Variants in MTUS2 observed in about 807,000 individuals in gnomAD.
The protein encoded by MTUS2 is microtubule-associated tumor suppressor candidate 2.
Under a neutral mutation model 114.1 loss-of-function variants are expected in MTUS2, and 40 were observed. The observed-to-expected ratio is 0.35, with a 90% CI of 0.27 to 0.46. The LOEUF (loss-of-function observed/expected upper bound fraction) is 0.46. Ranked by LOEUF, MTUS2 falls within the 20% of genes least tolerant of loss-of-function variation. MTUS2 has a pLI of 1.00. For synonymous variants in MTUS2, 688 were observed against 672.0 expected, an observed-to-expected ratio of 1.02 and a Z score of -0.37; for missense variants, 1,679 against 1,705.4, an observed-to-expected ratio of 0.98 and a Z score of 0.27.
intron 8 of MTUS2, among the ~76,000 whole-genome samples, chr13:29,394,310 A>T (rs1037868254): frequency 6.6e-6 from 1 of 152,172 alleles, no homozygotes; most frequent in Non-Finnish European, 1.5e-5. Context: ...TGTAAGGTGT[A>T]CAGGTAATCA....
rs1441783329 is a variant in MTUS2 at position 29,498,315 on chromosome 13, C to T, written c.3679-103C>T. 22 of 1,512,140 alleles carry T rather than the reference C, an allele frequency of 1.5e-5. No homozygotes were observed. The East Asian group carries it at 2.8e-4, about 19-fold the overall frequency. The allele number at this position is 1,512,140 out of a possible 1,614,324, so 93.7% of individuals were successfully genotyped here. ...TTTGGTGTTGCAGTTGCCATCAGGGCGCTTGTCCCAGGAGGATAGATTTAG... is the reference window on the plus strand; with the variant it reads ...TTTGGTGTTGCAGTTGCCATCAGGGTGCTTGTCCCAGGAGGATAGATTTAG... On this transcript the variant is annotated intron_variant, in intron 13 of 15. Transcript: ENST00000612955.
At chr13:29,394,951 C>T (rs1410802818) in intron 8 of MTUS2, among the ~76,000 whole-genome samples, 1 of 152,154 alleles carries the variant, frequency 6.6e-6, no homozygotes, top group Non-Finnish European at 1.5e-5. Flanking sequence ...AAAAATTGCC[C>T]CTTTCACGAA....
At chr13:29,328,106 G>A (rs1382734910) in intron 7 of MTUS2, among the ~76,000 whole-genome samples, 1 of 151,808 alleles carries the variant, frequency 6.6e-6, no homozygotes, top group Non-Finnish European at 1.5e-5. Flanking sequence ...AATTTTGAGA[G>A]TTTTATATTC....
intron 4 of MTUS2, among the ~76,000 whole-genome samples, chr13:29,081,409 T>A (rs1313291991): frequency 1.3e-5 from 2 of 152,218 alleles, no homozygotes; most frequent in South Asian, 2.1e-4. Context: ...GAATTTGAGC[T>A]TGTTTAGTAA....
intron 1 of MTUS2, among the ~76,000 whole-genome samples, chr13:28,826,246 GTAAA>G (rs998232203): frequency 1.8e-4 from 27 of 152,130 alleles, no homozygotes; most frequent in Middle Eastern, 3.4e-3. Context: ...TGCTAAATAA[GTAAA>G]TAAATCAATA....
intron 9 of MTUS2, among the ~76,000 whole-genome samples, chr13:29,466,272 G>GTGAAGGCAGCCCAGCTGAGT (rs1319163814): frequency 6.6e-6 from 1 of 152,224 alleles, no homozygotes; most frequent in Non-Finnish European, 1.5e-5. Flanking sequence ...CCCAGCTGAG[G>GTGAAGGCAGCCCAGCTGAGT]TCTAGCCAGG....
chr13:29,208,910 G>A (rs1895304465), intron 5 of MTUS2, among the ~76,000 whole-genome samples: 1 of 151,992 alleles, frequency 6.6e-6, no homozygotes. Flanking sequence ...GCAGTTGCTG[G>A]GTAGAATGTT....
At chr13:29,243,730 A>G (rs958955073) in intron 5 of MTUS2, among the ~76,000 whole-genome samples, 3 of 152,214 alleles carry the variant, frequency 2.0e-5, no homozygotes, top group African/African-American at 7.2e-5. Flanking sequence ...AACCCTGGCT[A>G]TATGTGAGAA....
At chr13:28,972,063 T>C (rs1883882233) in intron 2 of MTUS2, among the ~76,000 whole-genome samples, 1 of 152,210 alleles carries the variant, frequency 6.6e-6, no homozygotes, top group South Asian at 2.1e-4. Context: ...TAGATGGCAT[T>C]GAGTCTGGGG....
Position 29,503,378 on chromosome 13 carries a change from C to A in MTUS2, c.*172C>A. The A allele has an allele frequency of 1.5e-6, 1 of 666,658 alleles. No homozygotes were observed. Among genetic ancestry groups the A allele is most frequent in the South Asian group, 1.9e-5 (1 of 52,652 alleles). 41.3% of individuals were successfully genotyped at this position (666,658 alleles called of 1,614,324 possible). A position where few individuals can be genotyped will look rare whatever the true frequency, so the allele number is the denominator to read the frequency against. ...GTGTAAGACTGCCCTGGTGTCGGCA[C>A]TTAGGAATGTGTAAATGGTAAAGTC... On this transcript the variant is annotated 3_prime_UTR_variant, in exon 16 of 16. Transcript: ENST00000612955.
At chr13:29,316,835 A>G (rs915130295) in intron 6 of MTUS2, among the ~76,000 whole-genome samples, 1 of 152,206 alleles carries the variant, frequency 6.6e-6, no homozygotes, top group Non-Finnish European at 1.5e-5. Context: ...AGCAACTGCA[A>G]CCTGGCATCT....
At chr13:29,092,782 A>G (rs936423251) in intron 4 of MTUS2, among the ~76,000 whole-genome samples, 4 of 152,070 alleles carry the variant, frequency 2.6e-5, no homozygotes, top group African/African-American at 9.7e-5. Context: ...AAAATCATGT[A>G]TCAATTATTC....
intron 5 of MTUS2, among the ~76,000 whole-genome samples, chr13:29,223,828 T>C (rs1896001538): frequency 6.6e-6 from 1 of 152,232 alleles, no homozygotes; most frequent in Admixed American, 6.5e-5. Flanking sequence ...TGACACCCTC[T>C]TTGGAGTTCT....
intron 5 of MTUS2, among the ~76,000 whole-genome samples, chr13:29,121,788 G>C (rs7999521): frequency 0.66 from 100,220 of 151,870 alleles, 33,853 homozygotes; most frequent in Non-Finnish European, 0.74. Flanking sequence ...TTCCGAGTAG[G>C]TGGGGTTACA....
chr13:28,844,361 GT>G (rs531723376), intron 2 of MTUS2, among the ~76,000 whole-genome samples: 12 of 152,292 alleles, frequency 7.9e-5, no homozygotes, highest in African/African-American at 2.9e-4. Flanking sequence ...TATTTATGTA[GT>G]TGTTATTCAT....
In MTUS2 at chr13:29,278,806, G is replaced by A. The variant is rs146443676; in HGVS notation, c.2645-2898G>A. On this transcript the variant is annotated intron_variant, in intron 5 of 15. Coordinates refer to ENST00000612955, the MANE Select transcript of MTUS2 (RefSeq NM_001033602.4). ...CTCACCTTTTTGTATGTCTGAAATC[G>A]TTTATCATATATTTTTAAGACAATC... 5.9e-5 allele frequency among the ~76,000 whole-genome samples: 9 copies of A among 152,162 alleles called. No homozygotes were observed. The East Asian group carries it at 1.5e-3, about 26-fold the overall frequency.
chr13:29,427,324 C>T (rs1876621862), intron 8 of MTUS2, among the ~76,000 whole-genome samples: 1 of 152,134 alleles, frequency 6.6e-6, no homozygotes, highest in South Asian at 2.1e-4. Flanking sequence ...TTTGCTTTCT[C>T]AGTCAACAAT....
At chr13:29,142,677 G>C (rs1378778136) in intron 5 of MTUS2, among the ~76,000 whole-genome samples, 1 of 152,192 alleles carries the variant, frequency 6.6e-6, no homozygotes, top group Admixed American at 6.5e-5. Flanking sequence ...CTGTACTCCA[G>C]CCTGGGCAAC....
At chr13:29,423,957 A>G (rs1197598354) in intron 8 of MTUS2, among the ~76,000 whole-genome samples, 1 of 150,748 alleles carries the variant, frequency 6.6e-6, no homozygotes, top group East Asian at 1.9e-4. Flanking sequence ...CTCGGCCTCC[A>G]GGGTTCAAGG....
Sources: gnomAD v4.1 joint callset for allele counts (sites outside exome capture counted in the v4.1 genomes callset) on GRCh38, gnomAD v4.1.1 for gene constraint, MANE v1.5 for transcripts, NCBI Gene and HGNC (gene_info 2026-07-23, HGNC 2026-07-21) for gene names.